CEP104: variants seen among roughly 807,000 people sequenced by gnomAD.
The protein encoded by CEP104 is centrosomal protein of 104 kDa.
Under a neutral mutation model 113.3 loss-of-function variants are expected in CEP104, and 84 were observed. The observed-to-expected ratio is 0.74, with a 90% confidence interval of 0.62 to 0.89. The LOEUF (loss-of-function observed/expected upper bound fraction) is 0.89, where lower values mean the gene tolerates loss of function less well. Among genes scored for constraint, CEP104 ranks in the 40% least tolerant of loss-of-function variants. The pLI is 0.00. For missense variants in CEP104, 1,053 were observed against 1,156.6 expected (o/e 0.91, Z 1.30); for synonymous variants, 378 against 421.7 (o/e 0.90, Z 1.27).
At position 3,848,738 on chromosome 1, in the gene CEP104, T is replaced by A. The variant is rs748010762; in HGVS notation, c.157A>T (p.Arg53Ter). ...PQEIVLQMVERCRIRKLQLLA... is the reference protein window; with the variant it reads ...PQEIVLQMVE ...AACTGCAGTTTCCTTATTCGACATCTCTCCACCATTTGAAGGACAATTTCT... is the reference window on the plus strand; with the variant it reads ...AACTGCAGTTTCCTTATTCGACATCACTCCACCATTTGAAGGACAATTTCT... The change falls in exon 3 of 22, where the codon AGA becomes TGA. Residue 53 changes from arginine (R) to a stop codon, truncating the protein, a stop_gained. Coordinates refer to ENST00000378230, the MANE Select transcript of CEP104 (RefSeq NM_014704.4). LOFTEE classifies it high-confidence loss of function. 3.3e-5 allele frequency: 53 copies of A among 1,611,298 alleles called. No homozygotes were observed. The highest frequency in any genetic ancestry group is 4.5e-5 in the Non-Finnish European group (53 of 1,179,400).
chr1:3,851,429 T>C (rs1023811865), intron 2 of CEP104, among the ~76,000 whole-genome samples: 2 of 152,074 alleles, frequency 1.3e-5, no homozygotes, highest in Non-Finnish European at 1.5e-5. Flanking sequence ...ATTTACGCGT[T>C]CGCGGGTTAG....
At chr1:3,849,015 T>C (rs894279266) in intron 2 of CEP104, among the ~76,000 whole-genome samples, 4 of 152,148 alleles carry the variant, frequency 2.6e-5, no homozygotes, top group African/African-American at 4.8e-5. Context: ...TGTAACCCTA[T>C]AGGAATCATA....
In CEP104 at chr1:3,832,336, T is replaced by G. The variant is rs147042730; in HGVS notation, c.1660-1114A>C. Reference sequence around the variant, plus strand: ...GTCGTAACCAGGAGTGTAGTGTAGGTCGTAACCAGGAGTGTAGTGTAGCAC... The same window carrying G: ...GTCGTAACCAGGAGTGTAGTGTAGGGCGTAACCAGGAGTGTAGTGTAGCAC... On this transcript the variant is annotated intron_variant, in intron 12 of 21. Coordinates refer to ENST00000378230, the MANE Select transcript of CEP104 (RefSeq NM_014704.4). Among the ~76,000 whole-genome samples the G allele has an allele frequency of 3.3e-3, 505 of 151,514 alleles. 5 individuals are homozygous for G. The highest frequency in any genetic ancestry group is 0.025 in the South Asian group (117 of 4,730).
chr1:3,819,889 C>T lies in CEP104; in HGVS notation c.2571+3285G>A, dbSNP rs943469624. On this transcript the variant is annotated intron_variant, in intron 20 of 21. Transcript: ENST00000378230. The surrounding 1 kb of genome is among the most constrained non-coding windows in gnomAD (Gnocchi z 4.6). ...CCAGCAGAGAGGCCCCCGGTGCTGA[C>T]GGTGGGGGCCTCTAGGAGTTGAGTG... Among the ~76,000 whole-genome samples the T allele has an allele frequency of 1.3e-5, 2 of 152,166 alleles. No individual in the cohort carries two copies. Among genetic ancestry groups the T allele is most frequent in the East Asian group, 1.9e-4 (1 of 5,198 alleles).
At chr1:3,820,494 C>CG (rs34085838) in intron 20 of CEP104, among the ~76,000 whole-genome samples, 480 of 145,674 alleles carry the variant, frequency 3.3e-3, no homozygotes, top group Non-Finnish European at 4.6e-3. Flanking sequence ...GGCAGGACGG[C>CG]GCCTCTGTCT....
intron 13 of CEP104, among the ~76,000 whole-genome samples, chr1:3,830,292 G>T (rs979872266): frequency 1.3e-5 from 2 of 152,036 alleles, no homozygotes; most frequent in Non-Finnish European, 2.9e-5. Context: ...CTCCTTGGAG[G>T]TGTGCGCTCC....
intron 6 of CEP104, 58 bp from the exon 7 acceptor site, chr1:3,839,834 G>C: frequency 1.2e-5 from 17 of 1,395,032 alleles, no homozygotes; most frequent in Non-Finnish European, 1.6e-5. Context: ...GTTCAGTGCT[G>C]AAGATGCACG....
rs1050495165 is a variant in CEP104 at position 3,814,795 on chromosome 1, T to C, written c.*607A>G. 6.6e-6 allele frequency: 1 copy of C among 152,314 alleles called. No individual in the cohort carries two copies. Among genetic ancestry groups the C allele is most frequent in the Non-Finnish European group, 1.5e-5 (1 of 68,088 alleles). The allele number at this position is 152,314 out of a possible 1,614,324, so 9.4% of individuals were successfully genotyped here. ...CGATTAAAAAAAAGATGTTCTCTTTTGCCTTTATTTCTTGCTATAGTGGGA... is the reference window on the plus strand; with the variant it reads ...CGATTAAAAAAAAGATGTTCTCTTTCGCCTTTATTTCTTGCTATAGTGGGA... On this transcript the variant is annotated 3_prime_UTR_variant, in exon 22 of 22. Transcript: ENST00000378230.
rs757805931 is a variant in CEP104 at position 3,815,498 on chromosome 1, G to A, written c.2682C>T (p.Ala894=). Residue 894 remains alanine (A), a synonymous_variant, in exon 22 of 22, where the codon GCC becomes GCT. Coordinates refer to ENST00000378230, the MANE Select transcript of CEP104 (RefSeq NM_014704.4). ...ALQPGKSSAV[A]ASGPLGSKAG... ...CCTTTGACCCCAAGGGGCCTGATGC[G>A]GCCACAGCTGAGCTTTTCCCTGCAG... is the stretch of plus-strand genomic sequence containing the variant. The A allele has an allele frequency of 2.5e-5, 40 of 1,606,328 alleles. No individual in the cohort carries two copies. Among genetic ancestry groups the A allele is most frequent in the Middle Eastern group, 1.7e-4 (1 of 6,024 alleles).
Position 3,844,991 on chromosome 1 carries a change from G to C in CEP104, c.490-8C>G. 2 of 1,612,098 alleles carry C rather than the reference G, an allele frequency of 1.2e-6. No individual in the cohort carries two copies. Among genetic ancestry groups the C allele is most frequent in the Non-Finnish European group, 1.7e-6 (2 of 1,178,178 alleles). On this transcript the variant is annotated splice_region_variant and splice_polypyrimidine_tract_variant and intron_variant, in intron 5 of 21. Transcript: ENST00000378230. ...CAACTTCTCTCGAGAGGCCTTTGGG[G>C]GCAAAACATCTGCTTAGTGTCTCAG...
chr1:3,833,420 T>G (rs1644253673), intron 12 of CEP104, among the ~76,000 whole-genome samples: 1 of 152,202 alleles, frequency 6.6e-6, no homozygotes, highest in African/African-American at 2.4e-5. Flanking sequence ...GTTTAAAGAT[T>G]TTCAAATTAT....
intron 10 of CEP104, among the ~76,000 whole-genome samples, chr1:3,836,124 ACTCTAT>A (rs1354113320): frequency 2.0e-4 from 31 of 151,914 alleles, no homozygotes; most frequent in African/African-American, 6.3e-4. Context: ...ACGTGGTGAA[ACTCTAT>A]CTCTACTAAA....
rs910842632 is a variant in CEP104 at position 3,850,453 on chromosome 1, A to T, written c.114-1672T>A. ...GCAAACTTTACGGTTTCTTGGAAAA[A>T]CGTCTTGCTCTGAAGGCTTCAGGCT... On this transcript the variant is annotated intron_variant, in intron 2 of 21. Coordinates refer to ENST00000378230, the MANE Select transcript of CEP104 (RefSeq NM_014704.4). 2.0e-5 allele frequency among the ~76,000 whole-genome samples: 3 copies of T among 152,152 alleles called. No homozygotes were observed. The East Asian group carries it at 5.8e-4, about 29-fold the overall frequency.
In CEP104 at chr1:3,848,665, C is replaced by G. The variant is rs755249857; in HGVS notation, c.230G>C (p.Ser77Thr). The change falls in exon 3 of 22, where the codon AGT becomes ACT. Residue 77 changes from serine to threonine, a missense_variant. Transcript: ENST00000378230. Reference sequence around the variant, plus strand: ...TGCAAAATATTCAGGCAAGCTTTCACTAATGTAGAACTCAATTTTACTTGA... The same window carrying G: ...TGCAAAATATTCAGGCAAGCTTTCAGTAATGTAGAACTCAATTTTACTTGA... ...MISSKIEFYI[S>T]ESLPEYFAPY... 2.5e-6 allele frequency: 4 copies of G among 1,613,860 alleles called. No homozygotes were observed. The Admixed American group carries it at 5.0e-5, about 20-fold the overall frequency.
intron 8 of CEP104, 66 bp from the exon 9 acceptor site, chr1:3,837,585 C>G (rs943845227): frequency 4.5e-6 from 6 of 1,333,928 alleles, no homozygotes; most frequent in African/African-American, 4.3e-5. Context: ...CTATCTCATT[C>G]CTTCAGATGA....
At position 3,831,104 on chromosome 1, in the gene CEP104, C is replaced by T. The variant is rs757757742; in HGVS notation, c.1778G>A (p.Arg593Gln). The change falls in exon 13 of 22, where the codon CGG (arginine) becomes CAG (glutamine). Residue 593 changes from arginine (R) to glutamine (Q), a missense_variant. Arg to Gln is a conservative substitution (Grantham distance 43, BLOSUM62 1). Transcript: ENST00000378230. ...GCCAGTGCCCAGGTCTTTCAGCAGC[C>T]GGGCCAGGAGGCCCATCTGACTCAT... ...LAMSQMGLLA[R>Q]LLKDLGTGSS... The T allele has an allele frequency of 1.4e-5, 22 of 1,614,074 alleles. No individual in the cohort carries two copies. Among genetic ancestry groups the T allele is most frequent in the African/African-American group, 4.0e-5 (3 of 74,938 alleles).
chr1:3,823,661 GTCTGTGC>G lies in CEP104; in HGVS notation c.2365-106_2365-100del. On this transcript the variant is annotated intron_variant, in intron 18 of 21. Coordinates refer to ENST00000378230, the MANE Select transcript of CEP104 (RefSeq NM_014704.4). The surrounding 1 kb of genome is among the most constrained non-coding windows in gnomAD (Gnocchi z 4.1). The stretch of plus-strand genomic sequence containing the variant: ...GTGAGCGCCTCCCCTGCCCAGGGAG[GTCTGTGC>G]CGCCTGCACATGAAGTAAGCCACAG... 2.8e-6 allele frequency: 4 copies of G among 1,449,532 alleles called. No homozygotes were observed. The highest frequency in any genetic ancestry group is 3.8e-6 in the Non-Finnish European group (4 of 1,047,630). The allele number at this position is 1,449,532 out of a possible 1,614,324, so 89.8% of individuals were successfully genotyped here. A position where few individuals can be genotyped will look rare whatever the true frequency, so the allele number is the denominator to read the frequency against.
intron 20 of CEP104, among the ~76,000 whole-genome samples, chr1:3,820,570 G>A (rs1189890665): frequency 1.3e-5 from 2 of 152,222 alleles, no homozygotes; most frequent in Non-Finnish European, 2.9e-5. Context: ...CTTCCAAGAT[G>A]CCTGATTCTA....
rs912844180 is a variant in CEP104 at position 3,812,330 on chromosome 1, T to A, written c.*3072A>T. The A allele has an allele frequency of 1.2e-4, 18 of 152,138 alleles. No individual in the cohort carries two copies. The highest frequency in any genetic ancestry group is 4.3e-4 in the African/African-American group (18 of 41,432). 9.4% of individuals were successfully genotyped at this position (152,138 alleles called of 1,614,324 possible). A position where few individuals can be genotyped will look rare whatever the true frequency, so the allele number is the denominator to read the frequency against. On this transcript the variant is annotated 3_prime_UTR_variant, in exon 22 of 22. Coordinates refer to ENST00000378230, the MANE Select transcript of CEP104 (RefSeq NM_014704.4). ...AGATTTAATGGAATATCTTAACATA[T>A]GAAAATAATAGAAATAAATATTAAA...
Sources: allele counts gnomAD v4.1 joint callset (sites outside exome capture counted in the v4.1 genomes callset), GRCh38; gene constraint gnomAD v4.1.1; non-coding constraint Gnocchi (gnomAD v3.1); transcripts MANE v1.5; gene names NCBI Gene and HGNC (gene_info 2026-07-23, HGNC 2026-07-21).